Variants in TBCA observed in about 807,000 individuals in gnomAD.
TBCA encodes the protein tubulin folding cofactor A, also known as tubulin-specific chaperone A.
A neutral mutation model predicts 15.8 loss-of-function variants in TBCA; 6 were observed. The ratio of observed to expected loss-of-function variants is 0.38; its 90% confidence interval spans 0.21 to 0.75. TBCA has a LOEUF of 0.75. Among genes scored for constraint, TBCA ranks in the 30% least tolerant of loss-of-function variants. TBCA has a pLI of 0.46. For synonymous variants in TBCA, 32 were observed against 42.3 expected, an observed-to-expected ratio of 0.76 and a Z score of 0.94; for missense variants, 90 against 131.2, an observed-to-expected ratio of 0.69 and a Z score of 1.53.
intron 1 of TBCA, among the ~76,000 whole-genome samples, chr5:77,739,448 C>G (rs1031919875): frequency 6.6e-6 from 1 of 152,070 alleles, no homozygotes; most frequent in East Asian, 1.9e-4. Context: ...GTGAGTGAGG[C>G]GCTGTCTCAA....
chr5:77,692,691 C>T, intron 3 of TBCA: 1 of 940,772 alleles, frequency 1.1e-6, no homozygotes, highest in Non-Finnish European at 1.3e-6. Flanking sequence ...TGCTTCCTGT[C>T]TTAGATAGTA....
intron 1 of TBCA, among the ~76,000 whole-genome samples, chr5:77,770,011 A>C (rs1435998115): frequency 6.6e-6 from 1 of 152,232 alleles, no homozygotes; most frequent in Non-Finnish European, 1.5e-5. Flanking sequence ...TCATTCACTC[A>C]CCAGTGAACT....
intron 1 of TBCA, among the ~76,000 whole-genome samples, chr5:77,761,021 A>G (rs254379): frequency 0.98 from 144,386 of 147,106 alleles, 70,908 homozygotes; most frequent in African/African-American, 0.99. Context: ...AGTGAGGAGC[A>G]CCTCTGCCCG....
At chr5:77,693,653 G>T in intron 2 of TBCA, 1 of 318,222 alleles carries the variant, frequency 3.1e-6, no homozygotes, top group South Asian at 2.8e-5. Context: ...TACAAAATTA[G>T]CAGGGCGTGG....
chr5:77,755,254 T>A (rs989805153), intron 1 of TBCA, among the ~76,000 whole-genome samples: 2 of 152,182 alleles, frequency 1.3e-5, no homozygotes, highest in African/African-American at 4.8e-5. Flanking sequence ...GATCTGACTC[T>A]TCCTCAATGT....
Position 77,754,672 on chromosome 5 carries a change from T to C in TBCA, c.53+21533A>G, listed in dbSNP as rs191268147. Among the ~76,000 whole-genome samples the C allele has an allele frequency of 5.0e-3, 769 of 152,324 alleles. 8 individuals carry two copies. The highest frequency in any genetic ancestry group is 0.017 in the Middle Eastern group (5 of 294). On this transcript the variant is annotated intron_variant, in intron 1 of 3. Coordinates refer to ENST00000380377, the MANE Select transcript of TBCA (RefSeq NM_004607.3). ...GTTATTTTACCAGTAATTCAAGATA[T>C]AGCTGTTTTCATTAAACCAATATTA...
At chr5:77,705,900 C>T (rs566034161) in intron 2 of TBCA, among the ~76,000 whole-genome samples, 1 of 151,874 alleles carries the variant, frequency 6.6e-6, no homozygotes, top group East Asian at 1.9e-4. Context: ...TGCTAATCCT[C>T]CCTCAATTTA....
intron 1 of TBCA, among the ~76,000 whole-genome samples, chr5:77,747,741 CTAGA>C (rs1188856488): frequency 2.6e-5 from 4 of 152,048 alleles, no homozygotes; most frequent in African/African-American, 9.7e-5. Flanking sequence ...TTCTATTTGG[CTAGA>C]TAGATACTTT....
At chr5:77,745,487 A>G (rs1747165347) in intron 1 of TBCA, among the ~76,000 whole-genome samples, 1 of 152,238 alleles carries the variant, frequency 6.6e-6, no homozygotes, top group African/African-American at 2.4e-5. Context: ...CTTTATCATA[A>G]TATGAGGAAG....
intron 1 of TBCA, among the ~76,000 whole-genome samples, chr5:77,725,228 G>A (rs774635461): frequency 1.3e-5 from 2 of 152,196 alleles, no homozygotes; most frequent in African/African-American, 2.4e-5. Context: ...GAACCGTAGC[G>A]GTTCAGCTCA....
Position 77,691,435 on chromosome 5 carries a change from C to T in TBCA, c.310G>A (p.Val104Met). ...GAAAAGTTTCAGGCTTCTAACTTCA[C>T]TGAATCCAGTACTAAACGTGCTTCT... ...YKEARLVLDSVKLEA is the reference protein window; with the variant it reads ...YKEARLVLDSMKLEA Residue 104 changes from valine to methionine, a missense_variant, in exon 4 of 4, where the codon GTG becomes ATG. Coordinates refer to ENST00000380377, the MANE Select transcript of TBCA (RefSeq NM_004607.3). 1 of 1,597,622 alleles carries T rather than the reference C, an allele frequency of 6.3e-7. No homozygotes were observed. The highest frequency in any genetic ancestry group is 8.5e-7 in the Non-Finnish European group (1 of 1,176,288).
chr5:77,743,659 G>T (rs1481275609), intron 1 of TBCA, among the ~76,000 whole-genome samples: 1 of 152,142 alleles, frequency 6.6e-6, no homozygotes, highest in African/African-American at 2.4e-5. Context: ...CTCATGGGGT[G>T]CAAGACCTTG....
intron 1 of TBCA, among the ~76,000 whole-genome samples, chr5:77,749,522 C>A (rs190048273): frequency 2.6e-5 from 4 of 152,266 alleles, no homozygotes; most frequent in Admixed American, 6.5e-5. Flanking sequence ...GTTTTAATTT[C>A]TTTGATATTT....
intron 1 of TBCA, among the ~76,000 whole-genome samples, chr5:77,763,222 C>T (rs906070584): frequency 5.3e-5 from 8 of 151,342 alleles, no homozygotes; most frequent in African/African-American, 4.9e-5. Flanking sequence ...CCTGCCTGGG[C>T]GACAGAGCAA....
chr5:77,714,682 T>C (rs771095472), intron 1 of TBCA, among the ~76,000 whole-genome samples: 1 of 152,020 alleles, frequency 6.6e-6, no homozygotes, highest in Non-Finnish European at 1.5e-5. Flanking sequence ...TTCTCCTGCC[T>C]CAGCCTCCCA....
At chr5:77,753,341 CACAGTTT>C (rs1747400130) in intron 1 of TBCA, among the ~76,000 whole-genome samples, 1 of 152,218 alleles carries the variant, frequency 6.6e-6, no homozygotes, top group South Asian at 2.1e-4. Context: ...AGCTCTTTCA[CACAGTTT>C]AATAGTGAAG....
At chr5:77,768,524 T>A (rs1035014697) in intron 1 of TBCA, among the ~76,000 whole-genome samples, 4 of 152,216 alleles carry the variant, frequency 2.6e-5, no homozygotes, top group African/African-American at 7.2e-5. Context: ...TGCTGTAATA[T>A]AGTAATTGAT....
chr5:77,737,728 A>G (rs1015618230), intron 1 of TBCA, among the ~76,000 whole-genome samples: 2 of 152,204 alleles, frequency 1.3e-5, no homozygotes, highest in African/African-American at 4.8e-5. Context: ...AATTTTTTCC[A>G]CTTATTTACA....
intron 1 of TBCA, among the ~76,000 whole-genome samples, chr5:77,752,100 T>A (rs1747359284): frequency 6.6e-6 from 1 of 152,222 alleles, no homozygotes; most frequent in Non-Finnish European, 1.5e-5. Flanking sequence ...AACAAGCTCC[T>A]TCATTTTGCA....
Sources: allele counts gnomAD v4.1 joint callset (sites outside exome capture counted in the v4.1 genomes callset), GRCh38; gene constraint gnomAD v4.1.1; transcripts MANE v1.5; gene names NCBI Gene and HGNC (gene_info 2026-07-23, HGNC 2026-07-21).